KCNIP4: variants seen among roughly 807,000 people sequenced by gnomAD.
KCNIP4 encodes Kv channel-interacting protein 4.
Under a neutral mutation model 34.0 loss-of-function variants are expected in KCNIP4, and 12 were observed. That is an observed-to-expected ratio of 0.35 (90% CI 0.23 to 0.57). The LOEUF (loss-of-function observed/expected upper bound fraction) is 0.57. KCNIP4 is among the 20% of genes least tolerant of loss of function. The pLI is 0.83. For missense variants in KCNIP4, 238 were observed against 311.7 expected (o/e 0.76, Z 1.78); for synonymous variants, 124 against 102.2 (o/e 1.21, Z -1.29).
intron 1 of KCNIP4, among the ~76,000 whole-genome samples, chr4:21,475,876 T>G (rs1730907913): frequency 6.6e-6 from 1 of 152,222 alleles, no homozygotes; most frequent in Non-Finnish European, 1.5e-5. Flanking sequence ...ATTTTTAATT[T>G]CCGCAAACCT....
intron 1 of KCNIP4, among the ~76,000 whole-genome samples, chr4:21,673,122 G>A (rs76172105): frequency 0.069 from 10,555 of 152,302 alleles, 485 homozygotes; most frequent in Non-Finnish European, 0.1. Flanking sequence ...GGAGAGTATA[G>A]GAAAGGGTGA....
intron 1 of KCNIP4, among the ~76,000 whole-genome samples, chr4:21,139,042 C>T (rs1751730565): frequency 6.6e-6 from 1 of 152,148 alleles, no homozygotes. Context: ...TTCCAGTAGC[C>T]ATAGGAAGCC....
At chr4:21,251,368 A>G (rs746713810) in intron 1 of KCNIP4, among the ~76,000 whole-genome samples, 6 of 152,122 alleles carry the variant, frequency 3.9e-5, no homozygotes, top group Non-Finnish European at 8.8e-5. Flanking sequence ...TTTTACTTTA[A>G]CGGATAAAAC....
At chr4:20,756,172 T>TAAAA (rs61417409) in intron 4 of KCNIP4, among the ~76,000 whole-genome samples, 3 of 139,262 alleles carry the variant, frequency 2.2e-5, no homozygotes, top group African/African-American at 7.9e-5. Context: ...TGGAAAGTAG[T>TAAAA]AAAAAAAAAA....
intron 1 of KCNIP4, among the ~76,000 whole-genome samples, chr4:21,131,075 G>A (rs896094411): frequency 1.3e-5 from 2 of 152,052 alleles, no homozygotes; most frequent in Non-Finnish European, 2.9e-5. Flanking sequence ...ACGTATTTCT[G>A]TATATATATG....
chr4:21,386,189 C>T (rs1722017856), intron 1 of KCNIP4, among the ~76,000 whole-genome samples: 1 of 152,104 alleles, frequency 6.6e-6, no homozygotes. Flanking sequence ...CTTGCTCTTT[C>T]TTAAGGCGGA....
chr4:20,787,440 C>A (rs534131716), intron 3 of KCNIP4, among the ~76,000 whole-genome samples: 6 of 152,088 alleles, frequency 3.9e-5, no homozygotes, highest in East Asian at 3.9e-4. Context: ...TTTCTGTCTG[C>A]AATTTAATTT....
At chr4:21,479,128 T>C (rs901652834) in intron 1 of KCNIP4, among the ~76,000 whole-genome samples, 2 of 152,186 alleles carry the variant, frequency 1.3e-5, no homozygotes, top group Non-Finnish European at 2.9e-5. Flanking sequence ...GCTTCCGTGA[T>C]TCAAAGCAAA....
chr4:20,967,627 A>G (rs913247794), intron 1 of KCNIP4, among the ~76,000 whole-genome samples: 10 of 152,200 alleles, frequency 6.6e-5, no homozygotes, highest in South Asian at 2.1e-4. Flanking sequence ...ATAACACCGT[A>G]TGTCTACAAC....
chr4:20,833,421 A>G (rs1457182401), intron 3 of KCNIP4, among the ~76,000 whole-genome samples: 1 of 151,998 alleles, frequency 6.6e-6, no homozygotes, highest in African/African-American at 2.4e-5. Context: ...GGAGGCGGAG[A>G]TTGCAGTGCG....
intron 1 of KCNIP4, among the ~76,000 whole-genome samples, chr4:21,882,436 T>A (rs1726511129): frequency 6.6e-6 from 1 of 152,114 alleles, no homozygotes; most frequent in African/African-American, 2.4e-5. Context: ...TTTCAAATTT[T>A]GTGTTTTGAG....
intron 1 of KCNIP4, among the ~76,000 whole-genome samples, chr4:21,392,808 G>A (rs566143550): frequency 2.0e-5 from 3 of 152,100 alleles, no homozygotes; most frequent in African/African-American, 7.2e-5. Flanking sequence ...TTTAAATGAC[G>A]GTCACTAATT....
intron 1 of KCNIP4, among the ~76,000 whole-genome samples, chr4:21,554,560 G>T (rs1178301090): frequency 2.0e-4 from 31 of 152,074 alleles, no homozygotes; most frequent in Admixed American, 2.0e-3. Context: ...AATTCAGTTT[G>T]TCCTACCATG....
At chr4:21,027,441 A>G (rs940323877) in intron 1 of KCNIP4, among the ~76,000 whole-genome samples, 1 of 152,032 alleles carries the variant, frequency 6.6e-6, no homozygotes, top group African/African-American at 2.4e-5. Flanking sequence ...GCTGAGGGAA[A>G]AAAAGGGAGG....
At chr4:20,864,097 T>C (rs1423212001) in intron 2 of KCNIP4, among the ~76,000 whole-genome samples, 1 of 149,504 alleles carries the variant, frequency 6.7e-6, no homozygotes, top group Non-Finnish European at 1.5e-5. Context: ...TATGCATGTA[T>C]ACGTATGTAT....
intron 1 of KCNIP4, among the ~76,000 whole-genome samples, chr4:21,500,367 G>A (rs552620314): frequency 7.9e-5 from 12 of 152,086 alleles, no homozygotes; most frequent in Non-Finnish European, 2.9e-5. Flanking sequence ...CTTAGTTTCT[G>A]AAATTTACTA....
chr4:20,961,539 A>T (rs1733850179), intron 1 of KCNIP4, among the ~76,000 whole-genome samples: 1 of 152,022 alleles, frequency 6.6e-6, no homozygotes, highest in Admixed American at 6.6e-5. Flanking sequence ...ACAGAGTTTT[A>T]AAAAAAACAA....
intron 1 of KCNIP4, among the ~76,000 whole-genome samples, chr4:21,124,600 C>T (rs574946043): frequency 6.6e-6 from 1 of 152,012 alleles, no homozygotes; most frequent in Non-Finnish European, 1.5e-5. Flanking sequence ...TCTTCTTTTG[C>T]TCTCCACATT....
intron 4 of KCNIP4, among the ~76,000 whole-genome samples, chr4:20,754,448 G>A (rs1321905848): frequency 6.6e-6 from 1 of 152,152 alleles, no homozygotes; most frequent in African/African-American, 2.4e-5. Context: ...CTCCGTGGAA[G>A]TGTAAGGATG....
Sources: gnomAD v4.1 joint callset for allele counts (sites outside exome capture counted in the v4.1 genomes callset) on GRCh38, gnomAD v4.1.1 for gene constraint, MANE v1.5 for transcripts, NCBI Gene and HGNC (gene_info 2026-07-23, HGNC 2026-07-21) for gene names.